The following CEP104 variants were observed in gnomAD, a reference collection of about 807,000 sequenced individuals.
CEP104 encodes centrosomal protein 104.
CEP104 carries 84 observed loss-of-function variants against 113.3 expected under a neutral mutation model. That is an observed-to-expected ratio of 0.74 (90% confidence interval 0.62 to 0.89). CEP104 has a LOEUF of 0.89. Among genes scored for constraint, CEP104 ranks in the 40% least tolerant of loss-of-function variants. The probability of loss-of-function intolerance (pLI) is 0.00; values close to 1 mark genes in which losing one functional copy is unlikely to be tolerated. For missense variants in CEP104, 1,053 were observed against 1,156.6 expected (o/e 0.91, Z 1.30); for synonymous variants, 378 against 421.7 (o/e 0.90, Z 1.27).
At chr1:3,832,215 G>A (rs1021240052) in intron 12 of CEP104, among the ~76,000 whole-genome samples, 1 of 152,158 alleles carries the variant, frequency 6.6e-6, no homozygotes, top group African/African-American at 2.4e-5. Context: ...TCATAACCAG[G>A]AGTGTATTGT....
intron 4 of CEP104, 100 bp downstream of exon 4, chr1:3,847,375 T>C (rs1184427627): frequency 1.7e-6 from 2 of 1,190,280 alleles, no homozygotes; most frequent in East Asian, 4.7e-5. Flanking sequence ...TCCTCTCTTA[T>C]AAGATCACCT....
intron 12 of CEP104, among the ~76,000 whole-genome samples, chr1:3,833,504 GGA>G (rs1002801198): frequency 2.6e-5 from 4 of 152,092 alleles, no homozygotes; most frequent in Admixed American, 2.6e-4. Context: ...CTAGCCTAGA[GGA>G]GGCATATTTG....
rs760840197 is a variant in CEP104, at chr1:3,839,760, A to C, written c.583T>G (p.Ser195Ala). The C allele has an allele frequency of 8.4e-5, 135 of 1,609,236 alleles. No homozygotes were observed. Among genetic ancestry groups the C allele is most frequent in the Middle Eastern group, 3.3e-4 (2 of 6,064 alleles). The part of the protein sequence containing the change: ...GTYARKSDYI[S>A]PLDDLAFDMY... ...TCAAAAGCTAAGTCATCTAGCGGAG[A>C]GATATAGTCAGATTTCCTAAAGGGA... Residue 195 changes from serine to alanine, a missense_variant, in exon 7 of 22, where the codon TCT becomes GCT. Transcript: ENST00000378230.
At position 3,819,184 on chromosome 1, in the gene CEP104, C is replaced by T. The variant is rs1643924862; in HGVS notation, c.2572-2814G>A. 2.0e-5 allele frequency among the ~76,000 whole-genome samples: 3 copies of T among 152,164 alleles called. No homozygotes were observed. The highest frequency in any genetic ancestry group is 6.5e-5 in the Admixed American group (1 of 15,272). On this transcript the variant is annotated intron_variant, in intron 20 of 21. Transcript: ENST00000378230. This position sits in a 1 kb window ranked among gnomAD's most constrained non-coding sequence, Gnocchi z 4.6. The stretch of plus-strand genomic sequence containing the variant: ...TGCTACTGATCTATTAGAACCCGGG[C>T]GAACCTTGAAAACACGTTAAGTCAA...
chr1:3,830,981 G>T, intron 13 of CEP104, 65 bp downstream of exon 13: 4 of 1,448,346 alleles, frequency 2.8e-6, no homozygotes, highest in South Asian at 1.3e-5. Context: ...TGAGACCCTC[G>T]CCACGCTCCA....
Position 3,812,270 on chromosome 1 carries a change from C to T in CEP104, c.*3132G>A, listed in dbSNP as rs1011903439. 3.3e-5 allele frequency: 5 copies of T among 152,006 alleles called. No homozygotes were observed. Among genetic ancestry groups the T allele is most frequent in the Non-Finnish European group, 5.9e-5 (4 of 67,986 alleles). The allele number at this position is 152,006 out of a possible 1,614,324, so 9.4% of individuals were successfully genotyped here. The stretch of plus-strand genomic sequence containing the variant: ...CATTAAAAACATTTACATTTGTATC[C>T]TAATGCCAATTTATACATACAATTC... On this transcript the variant is annotated 3_prime_UTR_variant, in exon 22 of 22. Coordinates refer to ENST00000378230, the MANE Select transcript of CEP104 (RefSeq NM_014704.4).
chr1:3,836,365 TCAA>T, intron 10 of CEP104, 127 bp downstream of exon 10: 1 of 898,798 alleles, frequency 1.1e-6, no homozygotes, highest in Non-Finnish European at 1.6e-6. Flanking sequence ...CAAAGGGAAG[TCAA>T]CAATATTACA....
At chr1:3,817,292 A>G (rs1422304535) in intron 20 of CEP104, among the ~76,000 whole-genome samples, 1 of 152,166 alleles carries the variant, frequency 6.6e-6, no homozygotes, top group African/African-American at 2.4e-5. Flanking sequence ...CAGTGAGCCG[A>G]GATCACATCA....
intron 6 of CEP104, 94 bp downstream of exon 6, chr1:3,844,813 A>T: frequency 2.0e-6 from 2 of 994,750 alleles, no homozygotes; most frequent in Non-Finnish European, 3.2e-6. Flanking sequence ...CTGAATTTAG[A>T]GGCTCTAAGT....
intron 18 of CEP104, among the ~76,000 whole-genome samples, chr1:3,825,382 G>A (rs925164711): frequency 6.6e-6 from 1 of 152,200 alleles, no homozygotes; most frequent in African/African-American, 2.4e-5. Flanking sequence ...ACAGCGGAAG[G>A]TGGATGAAGG....
chr1:3,855,529 T>C (rs932444819), intron 1 of CEP104, among the ~76,000 whole-genome samples: 3 of 152,158 alleles, frequency 2.0e-5, no homozygotes, highest in African/African-American at 7.2e-5. Context: ...TAGGACCTTT[T>C]CAGTCAAACA....
At chr1:3,844,303 C>T (rs1479169761) in intron 6 of CEP104, among the ~76,000 whole-genome samples, 1 of 152,118 alleles carries the variant, frequency 6.6e-6, no homozygotes, top group African/African-American at 2.4e-5. Context: ...GTAGTCTCTG[C>T]TGAGCAATAA....
chr1:3,834,851 G>T (rs1644279067), intron 11 of CEP104, 74 bp downstream of exon 11: 2 of 1,393,676 alleles, frequency 1.4e-6, no homozygotes, highest in Non-Finnish European at 1.9e-6. Context: ...CTCTCAAGCT[G>T]CTCTGGTCTT....
intron 1 of CEP104, among the ~76,000 whole-genome samples, chr1:3,852,702 G>A (rs1032988632): frequency 6.6e-6 from 1 of 152,220 alleles, no homozygotes; most frequent in African/African-American, 2.4e-5. Flanking sequence ...AGGATACGCT[G>A]AAGTTCCACG....
rs550259906 is a variant in CEP104, at chr1:3,839,105, A to C, written c.750T>G (p.Leu250=). ...IADLQKVGER[L]GRYEVEKRCA... ...AGCGTTTCTCTACCTCATACCTCCCAAGGCGTTCACCAACCTGAAGCACAA... is the reference window on the plus strand; with the variant it reads ...AGCGTTTCTCTACCTCATACCTCCCCAGGCGTTCACCAACCTGAAGCACAA... Residue 250 remains leucine (L), a synonymous_variant, in exon 8 of 22, where the codon CTT becomes CTG. Coordinates refer to ENST00000378230, the MANE Select transcript of CEP104 (RefSeq NM_014704.4). The C allele has an allele frequency of 3.3e-5, 54 of 1,613,718 alleles. No individual in the cohort carries two copies. The South Asian group carries it at 5.8e-4, about 17-fold the overall frequency.
intron 2 of CEP104, among the ~76,000 whole-genome samples, chr1:3,851,721 C>A (rs534398487): frequency 1.3e-5 from 2 of 152,344 alleles, no homozygotes; most frequent in African/African-American, 4.8e-5. Context: ...GCTATCACAG[C>A]TCATGGCAGC....
intron 2 of CEP104, 55 bp from the exon 3 acceptor site, chr1:3,848,836 G>A: frequency 6.9e-7 from 1 of 1,449,954 alleles, no homozygotes; most frequent in Non-Finnish European, 9.5e-7. Flanking sequence ...AGGGTTTCTA[G>A]ATGCTAGCAT....
rs1273927481 is a variant in CEP104 at position 3,848,654 on chromosome 1, G to C, written c.241C>G (p.Pro81Ala). The change falls in exon 3 of 22, where the codon CCT becomes GCT. Residue 81 changes from proline (P) to alanine (A), a missense_variant. Coordinates refer to ENST00000378230, the MANE Select transcript of CEP104 (RefSeq NM_014704.4). ...GCTTGATAGGGTGCAAAATATTCAG[G>C]CAAGCTTTCACTAATGTAGAACTCA... Reference protein sequence around the residue: ...KIEFYISESLPEYFAPYQAER... With the variant: ...KIEFYISESLAEYFAPYQAER... The C allele has an allele frequency of 6.2e-7, 1 of 1,613,426 alleles. No homozygotes were observed. The highest frequency in any genetic ancestry group is 1.3e-5 in the African/African-American group (1 of 74,804).
chr1:3,830,325 C>T (rs1038651651), intron 13 of CEP104, among the ~76,000 whole-genome samples: 2 of 152,026 alleles, frequency 1.3e-5, no homozygotes, highest in African/African-American at 4.8e-5. Context: ...GTGCAGATTT[C>T]AGGTTTTTGG....
Sources: gnomAD v4.1 joint callset for allele counts (sites outside exome capture counted in the v4.1 genomes callset) on GRCh38, gnomAD v4.1.1 for gene constraint, Gnocchi (gnomAD v3.1) non-coding constraint, MANE v1.5 for transcripts, NCBI Gene and HGNC (gene_info 2026-07-23, HGNC 2026-07-21) for gene names.